The following TUG1 variants were observed in gnomAD, a reference collection of about 807,000 sequenced individuals.
TUG1 encodes the protein taurine up-regulated 1, also known as taurine upregulated gene 1.
exon 2 of TUG1, chr22:30,973,512 C>G (rs566963528): frequency 1.3e-5 from 2 of 152,260 alleles, no homozygotes; most frequent in East Asian, 3.9e-4. Flanking sequence ...GAAATTCTAC[C>G]AAGGAGTCCC....
chr22:30,971,371 G>A (rs1347678627), exon 1 of TUG1: 1 of 152,470 alleles, frequency 6.6e-6, no homozygotes, highest in Non-Finnish European at 1.5e-5. Flanking sequence ...GTGGTGATAA[G>A]ATGCTTTCCT....
At chr22:30,971,466 G>A (rs1444477863) in exon 1 of TUG1, 1 of 152,634 alleles carries the variant, frequency 6.6e-6, no homozygotes, top group Non-Finnish European at 1.5e-5. Flanking sequence ...ATTGGAGGTT[G>A]AAAAGATTTC....
At chr22:30,974,065 A>T (rs1298725473) in intron 2 of TUG1, 1 of 152,188 alleles carries the variant, frequency 6.6e-6, no homozygotes, top group Non-Finnish European at 1.5e-5. Context: ...CTACTTTTAG[A>T]TTTTTTAAGA....
At chr22:30,969,279 G>A (rs1177691187) in exon 1 of TUG1, 1 of 152,442 alleles carries the variant, frequency 6.6e-6, no homozygotes, top group Non-Finnish European at 1.5e-5. Flanking sequence ...GACGCAGCCG[G>A]GACGGTAGCT....
At chr22:30,973,582 A>C (rs2041254491) in exon 2 of TUG1, 1 of 152,250 alleles carries the variant, frequency 6.6e-6, no homozygotes, top group South Asian at 2.1e-4. Context: ...CTCTTGATAC[A>C]TCAAGGTAGA....
chr22:30,974,253 C>T (rs1355425191), intron 2 of TUG1: 2 of 151,330 alleles, frequency 1.3e-5, no homozygotes, highest in African/African-American at 4.9e-5. Context: ...AGACATGGCC[C>T]TTCCCCCAGT....
exon 2 of TUG1, chr22:30,973,263 A>G (rs922164292): frequency 2.6e-5 from 4 of 152,254 alleles, no homozygotes; most frequent in African/African-American, 9.6e-5. Flanking sequence ...AAGAAAGGCA[A>G]CATCTTTTTG....
chr22:30,975,980 G>A (rs886371496), exon 3 of TUG1: 13 of 150,786 alleles, frequency 8.6e-5, no homozygotes, highest in Non-Finnish European at 1.8e-4. Context: ...ATCACTGTAT[G>A]ACTCAACCAG....
At chr22:30,970,713 C>G (rs1303675532) in exon 1 of TUG1, 1 of 152,188 alleles carries the variant, frequency 6.6e-6, no homozygotes, top group Non-Finnish European at 1.5e-5. Context: ...GGTGAATAGG[C>G]TTCTTTTTAC....
At chr22:30,970,689 G>T (rs886471) in exon 1 of TUG1, 142,725 of 152,288 alleles carry the variant, frequency 0.94, 67,009 homozygotes, top group East Asian at 1. Flanking sequence ...ACATGTCTAG[G>T]CTGTGTGGTT....
exon 2 of TUG1, chr22:30,973,442 A>C (rs539959339): frequency 6.6e-6 from 1 of 152,288 alleles, no homozygotes; most frequent in Non-Finnish European, 1.5e-5. Context: ...GGCACAGTGA[A>C]CTCCTCATAG....
At chr22:30,974,856 AT>A (rs2041270556) in intron 2 of TUG1, 2 of 152,206 alleles carry the variant, frequency 1.3e-5, no homozygotes, top group African/African-American at 4.8e-5. Flanking sequence ...TTTTCTTGAG[AT>A]TTATCTCCTT....
intron 2 of TUG1, chr22:30,974,344 T>C (rs2041264178): frequency 7.9e-6 from 1 of 127,186 alleles, no homozygotes; most frequent in Non-Finnish European, 1.6e-5. Flanking sequence ...AATTCAGAAG[T>C]CTGAAAAAAA....
intron 1 of TUG1, 113 bp downstream of exon 1, chr22:30,971,892 A>G (rs1013819588): frequency 2.6e-5 from 4 of 152,174 alleles, no homozygotes; most frequent in African/African-American, 7.2e-5. Context: ...CAAAACTGCC[A>G]TTTTCTCAGT....
exon 3 of TUG1, chr22:30,975,660 C>G (rs775481732): frequency 1.3e-5 from 2 of 152,104 alleles, no homozygotes; most frequent in Non-Finnish European, 2.9e-5. Flanking sequence ...TGGGATATAG[C>G]CAGAGAACAA....
At chr22:30,971,082 T>C (rs2041224523) in exon 1 of TUG1, 1 of 152,212 alleles carries the variant, frequency 6.6e-6, no homozygotes, top group South Asian at 2.1e-4. Flanking sequence ...TTTGAACAAT[T>C]GGATTTCAAA....
exon 1 of TUG1, chr22:30,971,719 C>T (rs934013208): frequency 1.3e-4 from 20 of 152,990 alleles, no homozygotes; most frequent in African/African-American, 4.3e-4. Flanking sequence ...AATTAGAAGA[C>T]CTGAGTTTCT....
At chr22:30,975,808 A>G (rs1016240354) in exon 3 of TUG1, 2 of 152,162 alleles carry the variant, frequency 1.3e-5, no homozygotes, top group Admixed American at 1.3e-4. Flanking sequence ...CTGGTGCCTC[A>G]TTGAGGCCAT....
exon 3 of TUG1, chr22:30,976,689 A>G (rs2041291234): frequency 6.6e-6 from 1 of 152,214 alleles, no homozygotes; most frequent in South Asian, 2.1e-4. Flanking sequence ...CATGTTGAAC[A>G]AGGAGACTTT....
Sources: gnomAD v4.1 joint callset for allele counts on GRCh38, gnomAD v4.1.1 for gene constraint, MANE v1.5 for transcripts, NCBI Gene and HGNC (gene_info 2026-07-23, HGNC 2026-07-21) for gene names.